Variants in ITSN1 observed in about 807,000 individuals in gnomAD.
The protein encoded by ITSN1 is intersectin-1.
In ITSN1, 58 loss-of-function variants were observed where a neutral mutation model predicts 239.8. That is an observed-to-expected ratio of 0.24 (90% CI 0.20 to 0.30). ITSN1 has a LOEUF of 0.30. ITSN1 is among the 10% of genes least tolerant of loss of function. ITSN1 has a pLI of 1.00. For synonymous variants in ITSN1, 780 were observed against 770.8 expected, an observed-to-expected ratio of 1.01 and a Z score of -0.20; for missense variants, 1,558 against 2,103.3, an observed-to-expected ratio of 0.74 and a Z score of 5.07.
intron 1 of ITSN1, among the ~76,000 whole-genome samples, chr21:33,672,104 G>A (rs984795719): frequency 6.6e-6 from 1 of 151,568 alleles, no homozygotes; most frequent in East Asian, 1.9e-4. Flanking sequence ...ATTAGCCAGC[G>A]TGGTGGTGCA....
chr21:33,663,214 G>A (rs75855002), intron 1 of ITSN1, among the ~76,000 whole-genome samples: 2,585 of 152,286 alleles, frequency 0.017, 30 homozygotes, highest in Non-Finnish European at 0.027. Flanking sequence ...AGTTATGCCT[G>A]TAATTACTGC....
chr21:33,795,956 T>TC (rs1213658495), intron 17 of ITSN1, among the ~76,000 whole-genome samples: 2 of 151,120 alleles, frequency 1.3e-5, no homozygotes, highest in African/African-American at 4.9e-5. Context: ...AATTCTTTTT[T>TC]TTTTTTTTTT....
chr21:33,688,811 T>C (rs11909020), intron 1 of ITSN1, among the ~76,000 whole-genome samples: 1 of 151,662 alleles, frequency 6.6e-6, no homozygotes, highest in Non-Finnish European at 1.5e-5. Flanking sequence ...CTTTTTTTTT[T>C]CTTTTTTTTT....
At chr21:33,781,369 C>G (rs2070164536) in intron 14 of ITSN1, 92 bp from the exon 15 acceptor site, 1 of 718,940 alleles carries the variant, frequency 1.4e-6, no homozygotes, top group Non-Finnish European at 2.4e-6. Context: ...TGGGAAGAGT[C>G]TGAGAAAACT....
intron 33 of ITSN1, 139 bp from the exon 34 acceptor site, chr21:33,875,215 A>G: frequency 1.2e-6 from 1 of 827,614 alleles, no homozygotes; most frequent in Non-Finnish European, 2.0e-6. Flanking sequence ...GTGGGTGCTC[A>G]GAGCTGCGAT....
At chr21:33,833,351 A>G (rs1437764291) in intron 27 of ITSN1, among the ~76,000 whole-genome samples, 1 of 152,076 alleles carries the variant, frequency 6.6e-6, no homozygotes, top group Non-Finnish European at 1.5e-5. Context: ...AGTAACATTG[A>G]GTCTCCTTGT....
chr21:33,715,227 G>A (rs1389405534), intron 1 of ITSN1, among the ~76,000 whole-genome samples: 1 of 149,980 alleles, frequency 6.7e-6, no homozygotes, highest in African/African-American at 2.5e-5. Flanking sequence ...GGCTAGTAAT[G>A]TAAGGCTAAA....
rs183224591 is a variant in ITSN1, at chr21:33,833,595, C to T, written c.3352-712C>T. Among the ~76,000 whole-genome samples the T allele has an allele frequency of 9.7e-4, 148 of 152,258 alleles. 1 individual carries two copies. The highest frequency in any genetic ancestry group is 2.4e-3 in the Admixed American group (36 of 15,302). On this transcript the variant is annotated intron_variant, in intron 27 of 39. Transcript: ENST00000381318. ...AAAAGTACTCAGTGAGGGCCGGGCGCGGTGGCGCACGCCTGTAATCCCAGC... is the reference window on the plus strand; with the variant it reads ...AAAAGTACTCAGTGAGGGCCGGGCGTGGTGGCGCACGCCTGTAATCCCAGC...
Position 33,642,633 on chromosome 21 carries a change from G to C in ITSN1, c.-113G>C, listed in dbSNP as rs1217325926. 1.3e-5 allele frequency: 2 copies of C among 153,122 alleles called. No individual in the cohort carries two copies. The highest frequency in any genetic ancestry group is 2.9e-5 in the Non-Finnish European group (2 of 68,472). The allele number at this position is 153,122 out of a possible 1,614,324, so 9.5% of individuals were successfully genotyped here. ...GGGCGGGGATGGTGTGCGGGGCTGC[G>C]GCTCCTGCGTCCCTCCCAGCGGCGC... is the stretch of plus-strand genomic sequence containing the variant. On this transcript the variant is annotated 5_prime_UTR_variant, in exon 1 of 40. Transcript: ENST00000381318.
chr21:33,741,837 G>A (rs1463192522), intron 5 of ITSN1, among the ~76,000 whole-genome samples: 1 of 141,664 alleles, frequency 7.1e-6, no homozygotes, highest in African/African-American at 2.6e-5. Flanking sequence ...AGAGCTTGCA[G>A]TGAGCTGAGA....
intron 33 of ITSN1, among the ~76,000 whole-genome samples, chr21:33,867,732 GGTGA>G (rs1312939320): frequency 1.3e-5 from 2 of 152,080 alleles, no homozygotes; most frequent in African/African-American, 2.4e-5. Context: ...AGACCCTCGC[GGTGA>G]GTGTTACAGC....
intron 1 of ITSN1, among the ~76,000 whole-genome samples, chr21:33,673,699 A>G (rs1250122438): frequency 4.0e-5 from 6 of 151,122 alleles, no homozygotes; most frequent in Admixed American, 3.9e-4. Flanking sequence ...TTCTAACTGA[A>G]CTGCAGGCTT....
chr21:33,829,108 A>T (rs2074142067), intron 26 of ITSN1: 1 of 432,724 alleles, frequency 2.3e-6, no homozygotes, highest in Non-Finnish European at 4.6e-6. Flanking sequence ...GCAACAACAT[A>T]GAAATAAGCC....
At chr21:33,759,824 G>A (rs2068166788) in intron 8 of ITSN1, among the ~76,000 whole-genome samples, 1 of 152,136 alleles carries the variant, frequency 6.6e-6, no homozygotes, top group African/African-American at 2.4e-5. Flanking sequence ...GACAGGCCGG[G>A]CACAGTGACT....
chr21:33,837,000 TC>T, intron 29 of ITSN1: 1 of 1,613,474 alleles, frequency 6.2e-7, no homozygotes, highest in Non-Finnish European at 8.5e-7. Flanking sequence ...TCATATGTTG[TC>T]CATCCCCCCC....
chr21:33,869,289 A>T (rs1480719712), intron 33 of ITSN1, among the ~76,000 whole-genome samples: 10 of 152,202 alleles, frequency 6.6e-5, no homozygotes, highest in Admixed American at 6.5e-4. Context: ...AAGCAAACAC[A>T]TCCTTCTTCA....
At chr21:33,787,204 A>G (rs2070745441) in intron 16 of ITSN1, among the ~76,000 whole-genome samples, 1 of 152,188 alleles carries the variant, frequency 6.6e-6, no homozygotes, top group African/African-American at 2.4e-5. Flanking sequence ...CAAGCATTTT[A>G]GATCATTGAA....
chr21:33,690,640 A>G (rs1340898926), intron 1 of ITSN1, among the ~76,000 whole-genome samples: 3 of 148,646 alleles, frequency 2.0e-5, no homozygotes, highest in South Asian at 2.2e-4. Flanking sequence ...GGATGCCTGT[A>G]ATCTTAGCTA....
Position 33,897,102 on chromosome 21 carries a change from G to C in ITSN1, c.*8802G>C, listed in dbSNP as rs1330387556. ...TTCTATAAATCAATATCCTTAAAATGTCATCTGCTAAACATTCACTGTGAC... is the reference window on the plus strand; with the variant it reads ...TTCTATAAATCAATATCCTTAAAATCTCATCTGCTAAACATTCACTGTGAC... On this transcript the variant is annotated 3_prime_UTR_variant, in exon 40 of 40. Coordinates refer to ENST00000381318, the MANE Select transcript of ITSN1 (RefSeq NM_003024.3). 1 of 152,188 alleles carries C rather than the reference G, an allele frequency of 6.6e-6. No homozygotes were observed. The highest frequency in any genetic ancestry group is 1.5e-5 in the Non-Finnish European group (1 of 68,036). The allele number at this position is 152,188 out of a possible 1,614,324, so 9.4% of individuals were successfully genotyped here. A position where few individuals can be genotyped will look rare whatever the true frequency, so the allele number is the denominator to read the frequency against.
Sources: allele counts gnomAD v4.1 joint callset (sites outside exome capture counted in the v4.1 genomes callset), GRCh38; gene constraint gnomAD v4.1.1; transcripts MANE v1.5; gene names NCBI Gene and HGNC (gene_info 2026-07-23, HGNC 2026-07-21).